The following PCNT variants were observed in gnomAD, a reference collection of about 807,000 sequenced individuals.
PCNT encodes kendrin.
PCNT carries 319 observed loss-of-function variants against 380.4 expected under a neutral mutation model. The observed-to-expected ratio is 0.84, with a 90% confidence interval of 0.77 to 0.92. The LOEUF is 0.92. Among genes scored for constraint, PCNT ranks in the 40% least tolerant of loss-of-function variants. The probability of loss-of-function intolerance (pLI) is 0.00; values close to 1 mark genes in which losing one functional copy is unlikely to be tolerated. For missense variants in PCNT, 4,400 were observed against 4,255.3 expected (o/e 1.03, Z -0.95); for synonymous variants, 1,845 against 1,735.2 (o/e 1.06, Z -1.57).
intron 3 of PCNT, among the ~76,000 whole-genome samples, chr21:46,344,722 G>T (rs2084011883): frequency 6.6e-6 from 1 of 152,250 alleles, no homozygotes; most frequent in Non-Finnish European, 1.5e-5. Context: ...CAGTCGAGGG[G>T]CAGGAGCCTG....
chr21:46,328,441 T>C (rs2083455274), intron 2 of PCNT, among the ~76,000 whole-genome samples: 1 of 151,914 alleles, frequency 6.6e-6, no homozygotes, highest in Non-Finnish European at 1.5e-5. Context: ...AAGTTACTTT[T>C]GATATATTCT....
chr21:46,376,688 C>G (rs1450827193), intron 15 of PCNT, among the ~76,000 whole-genome samples: 1 of 152,238 alleles, frequency 6.6e-6, no homozygotes, highest in Non-Finnish European at 1.5e-5. Context: ...GTTTGGACCT[C>G]TTACTCCTGG....
In PCNT at chr21:46,324,205, C is replaced by T. The variant is rs2083275783; in HGVS notation, c.-24C>T. 1 of 1,603,180 alleles carries T rather than the reference C, an allele frequency of 6.2e-7. No individual in the cohort carries two copies. The highest frequency in any genetic ancestry group is 1.3e-5 in the African/African-American group (1 of 74,922). The stretch of plus-strand genomic sequence containing the variant: ...CTGTGTCAGCCCCGTCACCGCCGGG[C>T]GGCCCGCGCGGAGTCTGAGGGAGAT... On this transcript the variant is annotated 5_prime_UTR_variant, in exon 1 of 47. Transcript: ENST00000359568.
chr21:46,358,628 GTT>G (rs35030158), intron 13 of PCNT, among the ~76,000 whole-genome samples: 3 of 142,182 alleles, frequency 2.1e-5, no homozygotes, highest in Admixed American at 7.0e-5. Context: ...TTGTTGTTTT[GTT>G]TTTTTTTTTT....
intron 13 of PCNT, among the ~76,000 whole-genome samples, chr21:46,357,715 C>T (rs1269458954): frequency 1.3e-5 from 2 of 152,218 alleles, no homozygotes; most frequent in African/African-American, 4.8e-5. Context: ...AGGTGTGAGC[C>T]ACCACGCCCG....
At chr21:46,390,635 A>G (rs778450612) in intron 19 of PCNT, 35 bp from the exon 20 acceptor site, 1 of 1,610,332 alleles carries the variant, frequency 6.2e-7, no homozygotes, top group Non-Finnish European at 8.5e-7. Context: ...GTTATTTTTG[A>G]TCTGGAGTTT....
chr21:46,397,963 G>T, intron 22 of PCNT, 51 bp from the exon 23 acceptor site: 1 of 1,443,226 alleles, frequency 6.9e-7, no homozygotes, highest in Non-Finnish European at 9.5e-7. Flanking sequence ...TCGCTGCAAG[G>T]GGCACGCCAG....
chr21:46,340,108 C>CA (rs1456001076), intron 3 of PCNT, among the ~76,000 whole-genome samples: 5 of 152,132 alleles, frequency 3.3e-5, no homozygotes, highest in Non-Finnish European at 5.9e-5. Context: ...TGGTGGAAGG[C>CA]AAGGAGGACC....
Position 46,426,069 on chromosome 21 carries a change from CTTTTTTTTTTTTTTTTTT to C in PCNT, c.7320+108_7320+125del, listed in dbSNP as rs760416456. ...GCCACGTGGACACTAGGATTTCTTT[CTTTTTTTTTTTTTTTTTT>C]TTTTTTTTTGAGACTCGGCTCACTG... is the stretch of plus-strand genomic sequence containing the variant. On this transcript the variant is annotated intron_variant, in intron 33 of 46. Coordinates refer to ENST00000359568, the MANE Select transcript of PCNT (RefSeq NM_006031.6). The C allele has an allele frequency of 2.1e-4, 65 of 309,270 alleles. No individual in the cohort carries two copies. In the East Asian group the frequency reaches 4.3e-3, roughly 21 times the overall value. The allele number at this position is 309,270 out of a possible 1,614,324, so 19.2% of individuals were successfully genotyped here.
At chr21:46,324,343 T>C (rs2083282394) in intron 1 of PCNT, 61 bp downstream of exon 1, 1 of 1,350,014 alleles carries the variant, frequency 7.4e-7, no homozygotes, top group South Asian at 1.2e-5. Flanking sequence ...GCGGCTCCGG[T>C]GCCCGCCACC....
At chr21:46,389,491 C>A in intron 19 of PCNT, 60 bp downstream of exon 19, 1 of 1,389,292 alleles carries the variant, frequency 7.2e-7, no homozygotes, top group Admixed American at 1.8e-5. Flanking sequence ...CTGATGATGC[C>A]ACACGAGCCT....
chr21:46,398,222 A>G lies in PCNT; in HGVS notation c.4564-13A>G, dbSNP rs775127434. 6.2e-6 allele frequency: 10 copies of G among 1,608,582 alleles called. No individual in the cohort carries two copies. The African/African-American group carries it at 8.0e-5, about 13-fold the overall frequency. ...CTTTAAATTTTTGCCTTCCATGTAC[A>G]TGAAATCGGCAGCAGGCGCCGCTGG... On this transcript the variant is annotated splice_polypyrimidine_tract_variant and intron_variant, in intron 23 of 46. Transcript: ENST00000359568.
At chr21:46,440,304 C>A in intron 42 of PCNT, 102 bp downstream of exon 42, 1 of 1,262,642 alleles carries the variant, frequency 7.9e-7, no homozygotes, top group South Asian at 1.2e-5. Context: ...TCTCGTCTGC[C>A]GGGTGTAGCA....
chr21:46,437,769 C>T (rs1347425910), intron 40 of PCNT, among the ~76,000 whole-genome samples: 1 of 152,196 alleles, frequency 6.6e-6, no homozygotes, highest in Admixed American at 6.5e-5. Flanking sequence ...GTGCACCCTG[C>T]CCCCTGTGTT....
At position 46,416,579 on chromosome 21, in the gene PCNT, C is replaced by G; in HGVS notation, c.6661C>G (p.Leu2221Val). 1.2e-6 allele frequency: 2 copies of G among 1,609,726 alleles called. No individual in the cohort carries two copies. The highest frequency in any genetic ancestry group is 1.7e-6 in the Non-Finnish European group (2 of 1,177,860). The change falls in exon 30 of 47, where the codon CTG becomes GTG. Residue 2221 changes from leucine to valine, a missense_variant. Transcript: ENST00000359568. ...PRKSPVGMLD[L>V]SSWSSPEVLR... is the part of the protein sequence containing the mutation. ...GAAGAGCCCGGTCGGGATGCTGGAC[C>G]TGTCTTCCTGGAGCTCCCCTGAGGT...
At chr21:46,423,045 C>T (rs938403163) in intron 32 of PCNT, among the ~76,000 whole-genome samples, 2 of 152,106 alleles carry the variant, frequency 1.3e-5, no homozygotes, top group Non-Finnish European at 2.9e-5. Context: ...CCCAGGAGTT[C>T]AAGACCAGCC....
intron 2 of PCNT, among the ~76,000 whole-genome samples, chr21:46,332,926 A>G (rs1439720289): frequency 6.6e-6 from 1 of 152,134 alleles, no homozygotes; most frequent in Non-Finnish European, 1.5e-5. Flanking sequence ...TTTGGAACAT[A>G]ATGAACAGAG....
intron 17 of PCNT, among the ~76,000 whole-genome samples, chr21:46,386,447 G>A (rs1329663372): frequency 1.3e-5 from 2 of 152,234 alleles, no homozygotes; most frequent in Non-Finnish European, 2.9e-5. Context: ...CCAAGCAGGG[G>A]CCGTAGCCCT....
rs748493658 is a variant in PCNT at position 46,390,848 on chromosome 21, C to A, written c.4003+16C>A. The A allele has an allele frequency of 1.2e-6, 2 of 1,602,970 alleles. No homozygotes were observed. The highest frequency in any genetic ancestry group is 1.7e-6 in the Non-Finnish European group (2 of 1,175,222). On this transcript the variant is annotated intron_variant, in intron 20 of 46. Transcript: ENST00000359568. Reference sequence around the variant, plus strand: ...AAGACTCAGGGTGAGCAGCATGAGGCCTCGGGGCACCTGGAGCACAGGCAC... The same window carrying A: ...AAGACTCAGGGTGAGCAGCATGAGGACTCGGGGCACCTGGAGCACAGGCAC...
Sources: allele counts gnomAD v4.1 joint callset (sites outside exome capture counted in the v4.1 genomes callset), GRCh38; gene constraint gnomAD v4.1.1; transcripts MANE v1.5; gene names NCBI Gene and HGNC (gene_info 2026-07-23, HGNC 2026-07-21).